Variants in SSBP2 observed in about 807,000 individuals in gnomAD.
SSBP2 encodes the protein single stranded DNA binding protein 2, also known as single-stranded DNA-binding protein 2.
In SSBP2, 17 loss-of-function variants were observed where a neutral mutation model predicts 61.8. The ratio of observed to expected loss-of-function variants is 0.28; its 90% CI spans 0.19 to 0.41. The LOEUF is 0.41. Among genes scored for constraint, SSBP2 ranks in the 10% least tolerant of loss-of-function variants. The pLI is 1.00. For synonymous variants in SSBP2, 139 were observed against 141.3 expected (o/e 0.98, Z 0.12); for missense variants, 310 against 458.7 (o/e 0.68, Z 2.96).
chr5:81,571,028 A>G (rs1056189288), intron 4 of SSBP2, among the ~76,000 whole-genome samples: 6 of 152,218 alleles, frequency 3.9e-5, no homozygotes, highest in Non-Finnish European at 8.8e-5. Context: ...ATCACATGAC[A>G]TATTTCTAGA....
At chr5:81,601,364 A>G (rs988973059) in intron 4 of SSBP2, among the ~76,000 whole-genome samples, 3 of 152,314 alleles carry the variant, frequency 2.0e-5, no homozygotes, top group Non-Finnish European at 1.5e-5. Flanking sequence ...TTGTGGTTCT[A>G]TATCTTGACT....
intron 4 of SSBP2, among the ~76,000 whole-genome samples, chr5:81,520,200 G>A (rs1006356105): frequency 6.6e-6 from 1 of 151,990 alleles, no homozygotes; most frequent in Non-Finnish European, 1.5e-5. Flanking sequence ...GGCCAGGCTG[G>A]TCTCAAACTC....
chr5:81,559,278 T>G (rs1286650002), intron 4 of SSBP2, among the ~76,000 whole-genome samples: 2 of 151,554 alleles, frequency 1.3e-5, no homozygotes, highest in African/African-American at 4.9e-5. Flanking sequence ...TCCCAGCTAT[T>G]CAGGAGGCTG....
chr5:81,749,845 T>C (rs1757603652), intron 1 of SSBP2, among the ~76,000 whole-genome samples: 1 of 152,070 alleles, frequency 6.6e-6, no homozygotes, highest in African/African-American at 2.4e-5. Context: ...CAGCCGCCTC[T>C]TGGGCTCCCA....
chr5:81,656,433 A>G (rs905224303), intron 1 of SSBP2, among the ~76,000 whole-genome samples: 4 of 152,180 alleles, frequency 2.6e-5, no homozygotes, highest in African/African-American at 9.7e-5. Context: ...AAAAAGCAAT[A>G]AAGGACATAA....
At chr5:81,554,483 G>A (rs1467712046) in intron 4 of SSBP2, among the ~76,000 whole-genome samples, 6 of 150,298 alleles carry the variant, frequency 4.0e-5, no homozygotes, top group Non-Finnish European at 8.9e-5. Context: ...TTAACACAAA[G>A]GCTCAAATTT....
chr5:81,593,246 G>A (rs1743294304), intron 4 of SSBP2, among the ~76,000 whole-genome samples: 1 of 152,232 alleles, frequency 6.6e-6, no homozygotes, highest in East Asian at 1.9e-4. Flanking sequence ...TATCAGTGAT[G>A]GAAGACAAAA....
At chr5:81,568,722 A>G (rs771055240) in intron 4 of SSBP2, among the ~76,000 whole-genome samples, 12 of 152,238 alleles carry the variant, frequency 7.9e-5, no homozygotes, top group East Asian at 1.9e-4. Flanking sequence ...TATTTTTAAT[A>G]CAAATATTTA....
intron 4 of SSBP2, among the ~76,000 whole-genome samples, chr5:81,559,853 A>G (rs763913139): frequency 2.0e-5 from 3 of 152,126 alleles, no homozygotes; most frequent in Non-Finnish European, 2.9e-5. Context: ...AATATAATCT[A>G]TTCTGATAGA....
At chr5:81,645,967 G>A (rs1451244636) in intron 2 of SSBP2, among the ~76,000 whole-genome samples, 2 of 152,092 alleles carry the variant, frequency 1.3e-5, no homozygotes, top group African/African-American at 4.8e-5. Context: ...AAATGACTGG[G>A]TTAATAATAA....
intron 4 of SSBP2, among the ~76,000 whole-genome samples, chr5:81,555,197 T>C (rs1044755756): frequency 1.3e-5 from 2 of 152,076 alleles, no homozygotes; most frequent in Non-Finnish European, 2.9e-5. Context: ...GCAAAATAAA[T>C]TTAATTTTTC....
intron 4 of SSBP2, among the ~76,000 whole-genome samples, chr5:81,558,871 C>G (rs1486762203): frequency 6.6e-6 from 1 of 152,318 alleles, no homozygotes; most frequent in Admixed American, 6.5e-5. Context: ...AATAGAACAT[C>G]TGATCTCTTA....
At chr5:81,439,667 GT>G (rs61650905) in intron 14 of SSBP2, among the ~76,000 whole-genome samples, 6,712 of 100,138 alleles carry the variant, frequency 0.067, 331 homozygotes, top group African/African-American at 0.24. Context: ...TGCCCAGCTA[GT>G]TTTTTTTTTT....
chr5:81,739,080 G>C (rs146835142), intron 1 of SSBP2, among the ~76,000 whole-genome samples: 1 of 137,148 alleles, frequency 7.3e-6, no homozygotes, highest in South Asian at 2.4e-4. Flanking sequence ...CAGGACAATC[G>C]CTTGAACCTG....
At chr5:81,425,763 G>T (rs1057283781) in intron 16 of SSBP2, among the ~76,000 whole-genome samples, 1 of 150,994 alleles carries the variant, frequency 6.6e-6, no homozygotes, top group African/African-American at 2.4e-5. Context: ...TTTTTGATTC[G>T]CATTTTGTTT....
chr5:81,464,640 C>T (rs1764771080), intron 9 of SSBP2, among the ~76,000 whole-genome samples: 1 of 151,908 alleles, frequency 6.6e-6, no homozygotes, highest in South Asian at 2.1e-4. Context: ...ACTCTCATGG[C>T]AAATAAGAAA....
At chr5:81,451,615 T>TG (rs1396430880) in intron 10 of SSBP2, among the ~76,000 whole-genome samples, 2 of 152,180 alleles carry the variant, frequency 1.3e-5, no homozygotes, top group East Asian at 3.9e-4. Context: ...TCAGTAGAGA[T>TG]GGGGTTTCAC....
chr5:81,547,315 T>A (rs894699886), intron 4 of SSBP2, among the ~76,000 whole-genome samples: 1 of 152,200 alleles, frequency 6.6e-6, no homozygotes, highest in Non-Finnish European at 1.5e-5. Context: ...ACATAGATAT[T>A]TGTAGCAGCT....
intron 4 of SSBP2, among the ~76,000 whole-genome samples, chr5:81,549,258 G>C (rs192364835): frequency 6.6e-6 from 1 of 152,176 alleles, no homozygotes; most frequent in East Asian, 1.9e-4. Context: ...TTACCTTCCT[G>C]CCTTCATCTT....
Sources: gnomAD v4.1 joint callset for allele counts (sites outside exome capture counted in the v4.1 genomes callset) on GRCh38, gnomAD v4.1.1 for gene constraint, MANE v1.5 for transcripts, NCBI Gene and HGNC (gene_info 2026-07-23, HGNC 2026-07-21) for gene names.